The following TTLL11 variants were observed in gnomAD, a reference collection of about 807,000 sequenced individuals.
The protein encoded by TTLL11 is tubulin polyglutamylase TTLL11.
TTLL11 carries 42 observed loss-of-function variants against 51.7 expected under a neutral mutation model. The ratio of observed to expected loss-of-function variants is 0.81; its 90% CI spans 0.64 to 1.05. TTLL11 has a LOEUF of 1.05. Ranked by LOEUF, TTLL11 falls within the 50% of genes least tolerant of loss-of-function variation. TTLL11 has a pLI of 0.00. For missense variants in TTLL11, 799 were observed against 940.4 expected (o/e 0.85, Z 1.97); for synonymous variants, 381 against 383.5 (o/e 0.99, Z 0.08).
intron 3 of TTLL11, among the ~76,000 whole-genome samples, chr9:122,030,202 T>G (rs1469405447): frequency 8.4e-4 from 66 of 78,522 alleles, no homozygotes; most frequent in South Asian, 4.4e-3. Flanking sequence ...AGAGAGACAT[T>G]GGGGGGGGGG....
chr9:121,815,798 A>G lies in TTLL11; in HGVS notation c.*6789T>C, dbSNP rs1030421411. 1 of 152,194 alleles carries G rather than the reference A, an allele frequency of 6.6e-6. No individual in the cohort carries two copies. The highest frequency in any genetic ancestry group is 2.4e-5 in the African/African-American group (1 of 41,458). The allele number at this position is 152,194 out of a possible 1,614,324, so 9.4% of individuals were successfully genotyped here. On this transcript the variant is annotated 3_prime_UTR_variant, in exon 9 of 9. Transcript: ENST00000321582. ...TGACTTTATGCGCCATGAAAATTTA[A>G]TAAAGAATTTTGAAAGGCTTTTTAG...
At chr9:121,882,567 C>T (rs1195710701) in intron 6 of TTLL11, among the ~76,000 whole-genome samples, 3 of 152,176 alleles carry the variant, frequency 2.0e-5, no homozygotes, top group Admixed American at 2.0e-4. Context: ...TCTGTTTTCC[C>T]TCCTCTAGGA....
rs386416145 is a variant in TTLL11 at position 122,062,462 on chromosome 9, C to CTTTTTTTTTTTT, written c.463-23106_463-23095dup. Among the ~76,000 whole-genome samples, 24 of 77,698 alleles carry CTTTTTTTTTTTT rather than the reference C, an allele frequency of 3.1e-4. 1 individual carries two copies. The highest frequency in any genetic ancestry group is 5.6e-4 in the Admixed American group (3 of 5,330). The allele number at this position is 77,698 out of a possible 152,430, so 51.0% of individuals were successfully genotyped here. ...AACTGTGCAAGATCTTTATATTATG[C>CTTTTTTTTTTTT]TTTTTTTTTTTTTTTTTTTTTTTTG... On this transcript the variant is annotated intron_variant, in intron 1 of 8. Coordinates refer to ENST00000321582, the MANE Select transcript of TTLL11 (RefSeq NM_001139442.2).
chr9:121,981,482 G>A (rs2131673763), intron 4 of TTLL11, among the ~76,000 whole-genome samples: 1 of 152,210 alleles, frequency 6.6e-6, no homozygotes, highest in South Asian at 2.1e-4. Flanking sequence ...TATAATAGCT[G>A]TTTTAGTATC....
chr9:121,828,473 C>A (rs1836894149), intron 8 of TTLL11, among the ~76,000 whole-genome samples: 1 of 152,286 alleles, frequency 6.6e-6, no homozygotes, highest in South Asian at 2.1e-4. Context: ...CCATGGCTGG[C>A]CACACGGAAC....
intron 7 of TTLL11, among the ~76,000 whole-genome samples, chr9:121,863,278 C>T (rs1009926359): frequency 6.6e-6 from 1 of 152,140 alleles, no homozygotes; most frequent in African/African-American, 2.4e-5. Flanking sequence ...TCCAGTCTCT[C>T]CCAGGGTATT....
chr9:122,009,018 G>C (rs567721543), intron 3 of TTLL11, among the ~76,000 whole-genome samples: 1 of 152,298 alleles, frequency 6.6e-6, no homozygotes, highest in Admixed American at 6.5e-5. Flanking sequence ...ATAGAATGAG[G>C]GTTACCAGGG....
intron 8 of TTLL11, 126 bp downstream of exon 8, chr9:121,860,211 T>G: frequency 1.5e-6 from 1 of 677,254 alleles, no homozygotes; most frequent in South Asian, 2.2e-5. Flanking sequence ...ATCCCTGGGA[T>G]TATGTCTAGA....
chr9:121,928,505 T>A (rs76379018), intron 6 of TTLL11, among the ~76,000 whole-genome samples: 11,562 of 151,210 alleles, frequency 0.076, 653 homozygotes, highest in African/African-American at 0.16. Flanking sequence ...CAGTGGCGTG[T>A]TCTCGGTTCA....
In TTLL11 at chr9:121,853,255, G is replaced by A. The variant is rs1311492132; in HGVS notation, c.1840+7082C>T. Among the ~76,000 whole-genome samples the A allele has an allele frequency of 1.3e-5, 2 of 152,158 alleles. No individual in the cohort carries two copies. Among genetic ancestry groups the A allele is most frequent in the African/African-American group, 2.4e-5 (1 of 41,430 alleles). On this transcript the variant is annotated intron_variant, in intron 8 of 8. Transcript: ENST00000321582. This position sits in a 1 kb window ranked among gnomAD's most constrained non-coding sequence, Gnocchi z 5.6. ...TCTCAGTGCTTGGCCTCATGCAGGCGGGAACAGCTCTGTTTCCTGGATGTT... is the reference window on the plus strand; with the variant it reads ...TCTCAGTGCTTGGCCTCATGCAGGCAGGAACAGCTCTGTTTCCTGGATGTT...
intron 4 of TTLL11, among the ~76,000 whole-genome samples, chr9:121,979,429 T>A (rs898422026): frequency 6.6e-6 from 1 of 152,196 alleles, no homozygotes; most frequent in African/African-American, 2.4e-5. Context: ...AGGTTTGGGG[T>A]AATTTGCTAC....
At chr9:121,949,815 C>T (rs1159773153) in intron 6 of TTLL11, among the ~76,000 whole-genome samples, 1 of 152,068 alleles carries the variant, frequency 6.6e-6, no homozygotes, top group Non-Finnish European at 1.5e-5. Context: ...TCTTCTTTCC[C>T]TCCAGAGCCA....
At chr9:121,974,236 G>A in intron 5 of TTLL11, 112 bp from the exon 6 acceptor site, 1 of 606,298 alleles carries the variant, frequency 1.6e-6, no homozygotes, top group Non-Finnish European at 2.7e-6. Context: ...CTAATCTATA[G>A]AAGAAAATTT....
At chr9:121,895,037 A>C (rs1839401133) in intron 6 of TTLL11, among the ~76,000 whole-genome samples, 1 of 152,166 alleles carries the variant, frequency 6.6e-6, no homozygotes, top group Non-Finnish European at 1.5e-5. Context: ...AACTGATTAA[A>C]GCCTTTTTAG....
At chr9:122,021,966 AGACTC>A (rs1278538954) in intron 3 of TTLL11, among the ~76,000 whole-genome samples, 2 of 152,258 alleles carry the variant, frequency 1.3e-5, no homozygotes, top group African/African-American at 4.8e-5. Flanking sequence ...ATAGTTAAAA[AGACTC>A]AACTCTCATG....
At chr9:121,897,930 T>TC (rs1431013637) in intron 6 of TTLL11, among the ~76,000 whole-genome samples, 1 of 151,560 alleles carries the variant, frequency 6.6e-6, no homozygotes, top group Admixed American at 6.6e-5. Context: ...ATTCTTTTTT[T>TC]TTTTTTGAGA....
chr9:122,002,451 C>CA (rs1843497928), intron 3 of TTLL11, among the ~76,000 whole-genome samples: 1 of 152,184 alleles, frequency 6.6e-6, no homozygotes. Context: ...CCCCTGTAGC[C>CA]ATAGACATAG....
chr9:122,042,570 G>A (rs1184587636), intron 1 of TTLL11, among the ~76,000 whole-genome samples: 1 of 152,040 alleles, frequency 6.6e-6, no homozygotes, highest in Non-Finnish European at 1.5e-5. Context: ...AGTTCTCCTC[G>A]GTATTTATCC....
chr9:122,081,232 T>C (rs950731618), intron 1 of TTLL11, among the ~76,000 whole-genome samples: 4 of 152,200 alleles, frequency 2.6e-5, no homozygotes, highest in African/African-American at 9.6e-5. Context: ...AGAGGAGCAA[T>C]ACGGTCCACT....
Sources: gnomAD v4.1 joint callset for allele counts (sites outside exome capture counted in the v4.1 genomes callset) on GRCh38, gnomAD v4.1.1 for gene constraint, Gnocchi (gnomAD v3.1) non-coding constraint, MANE v1.5 for transcripts, NCBI Gene and HGNC (gene_info 2026-07-23, HGNC 2026-07-21) for gene names.